ACOT13: variants seen among roughly 807,000 people sequenced by gnomAD.
ACOT13 encodes acyl-CoA thioesterase 13, also known as acyl-coenzyme A thioesterase 13.
In ACOT13, 10 loss-of-function variants were observed where a neutral mutation model predicts 11.8. The ratio of observed to expected loss-of-function variants is 0.85; its 90% CI spans 0.53 to 1.44. ACOT13 has a LOEUF of 1.44. Among genes scored for constraint, ACOT13 ranks in the 40% most tolerant of loss-of-function variants. The pLI is 0.00. For synonymous variants in ACOT13, 53 were observed against 61.0 expected (o/e 0.87, Z 0.61); for missense variants, 172 against 174.1 (o/e 0.99, Z 0.07).
At chr6:24,689,205 T>C (rs1582442164) in intron 1 of ACOT13, among the ~76,000 whole-genome samples, 1 of 152,178 alleles carries the variant, frequency 6.6e-6, no homozygotes, top group East Asian at 1.9e-4. Flanking sequence ...TACCCAGCTA[T>C]CTAATTTTGT....
chr6:24,683,540 A>C (rs1329125896), intron 1 of ACOT13, among the ~76,000 whole-genome samples: 2 of 151,016 alleles, frequency 1.3e-5, no homozygotes, highest in Non-Finnish European at 3.0e-5. Flanking sequence ...GTCTCTCTCA[A>C]AAAAAAAATT....
intron 1 of ACOT13, among the ~76,000 whole-genome samples, chr6:24,692,527 C>G (rs148213242): frequency 1.3e-4 from 20 of 152,226 alleles, no homozygotes; most frequent in African/African-American, 4.8e-4. Flanking sequence ...AGCGATCCTC[C>G]CCACCCCAGC....
chr6:24,667,102 G>A lies in ACOT13; in HGVS notation c.-162G>A. 2.3e-6 allele frequency: 2 copies of A among 854,926 alleles called. No homozygotes were observed. The highest frequency in any genetic ancestry group is 1.7e-5 in the African/African-American group (1 of 58,744). 53.0% of individuals were successfully genotyped at this position (854,926 alleles called of 1,614,324 possible). Reference sequence around the variant, plus strand: ...AGTGAGCAAATCGCGGACCACCGGGGCTGCCAGCTCGCCTGACTCCCGGCC... The same window carrying A: ...AGTGAGCAAATCGCGGACCACCGGGACTGCCAGCTCGCCTGACTCCCGGCC... On this transcript the variant is annotated 5_prime_UTR_variant, in exon 1 of 3. Transcript: ENST00000230048.
chr6:24,672,212 G>C (rs1273959028), intron 1 of ACOT13, among the ~76,000 whole-genome samples: 1 of 152,054 alleles, frequency 6.6e-6, no homozygotes, highest in East Asian at 1.9e-4. Context: ...TTCATAAAAA[G>C]GTGAAAACCT....
At chr6:24,667,404 T>C (rs1778277852) in intron 1 of ACOT13, 60 bp downstream of exon 1, 2 of 1,480,528 alleles carry the variant, frequency 1.4e-6, no homozygotes, top group African/African-American at 1.4e-5. Flanking sequence ...AGCACCGTGC[T>C]TGGTGCCGTT....
intron 1 of ACOT13, 81 bp from the exon 2 acceptor site, chr6:24,697,802 C>A (rs919025421): frequency 6.0e-6 from 7 of 1,163,038 alleles, no homozygotes; most frequent in Middle Eastern, 2.5e-4. Context: ...AGATTCAGTT[C>A]AATCCATTGT....
At chr6:24,692,898 A>G (rs988352135) in intron 1 of ACOT13, among the ~76,000 whole-genome samples, 4 of 152,254 alleles carry the variant, frequency 2.6e-5, no homozygotes, top group African/African-American at 9.6e-5. Flanking sequence ...AACATACATT[A>G]TAAAGCAGAA....
chr6:24,698,156 A>G (rs369051288), intron 2 of ACOT13, 89 bp downstream of exon 2: 5 of 1,135,652 alleles, frequency 4.4e-6, no homozygotes, highest in Non-Finnish European at 5.9e-6. Context: ...TTAGTAACGC[A>G]TGAGATTCAA....
chr6:24,686,207 G>A (rs1317742587), intron 1 of ACOT13, among the ~76,000 whole-genome samples: 1 of 152,146 alleles, frequency 6.6e-6, no homozygotes, highest in Non-Finnish European at 1.5e-5. Context: ...TGTATTGCAA[G>A]GAAGAGTCCC....
At chr6:24,681,569 T>A (rs941245727) in intron 1 of ACOT13, among the ~76,000 whole-genome samples, 1 of 61,046 alleles carries the variant, frequency 1.6e-5, no homozygotes, top group Non-Finnish European at 2.8e-5. Flanking sequence ...CGTCTCTCCC[T>A]CTCTCTCCGT....
At chr6:24,693,726 C>CT (rs879806313) in intron 1 of ACOT13, among the ~76,000 whole-genome samples, 6,796 of 140,232 alleles carry the variant, frequency 0.048, 409 homozygotes, top group African/African-American at 0.14. Context: ...CAACCTGAGT[C>CT]TTTTTTTTTT....
intron 2 of ACOT13, 187 bp from the exon 3 acceptor site, chr6:24,701,272 G>A (rs1344991458): frequency 1.5e-5 from 6 of 401,540 alleles, no homozygotes; most frequent in Non-Finnish European, 2.6e-5. Context: ...GTGTGGGTAA[G>A]GAATGGGTAA....
intron 1 of ACOT13, chr6:24,687,612 G>A (rs1448634050): frequency 2.1e-6 from 3 of 1,432,128 alleles, no homozygotes; most frequent in East Asian, 5.8e-5. Context: ...GAGAGAAGCA[G>A]TAAAGATTTA....
chr6:24,679,387 A>G (rs1778509562), intron 1 of ACOT13, among the ~76,000 whole-genome samples: 1 of 152,226 alleles, frequency 6.6e-6, no homozygotes, highest in African/African-American at 2.4e-5. Flanking sequence ...TGATAAACTT[A>G]TCCTTTAAGA....
At position 24,669,337 on chromosome 6, in the gene ACOT13, G is replaced by C. The variant is rs114849653; in HGVS notation, c.81+1993G>C. ...AGCGGGAAGGGGGCTTCCAGGTCAC[G>C]GGTAGGTGGGAGACAAATGGTTGCA... On this transcript the variant is annotated intron_variant, in intron 1 of 2. Transcript: ENST00000230048. Among the ~76,000 whole-genome samples, 671 of 152,302 alleles carry C rather than the reference G, an allele frequency of 4.4e-3. 5 individuals are homozygous for C. The highest frequency in any genetic ancestry group is 0.013 in the African/African-American group (524 of 41,552).
At chr6:24,673,102 T>C (rs1778388742) in intron 1 of ACOT13, among the ~76,000 whole-genome samples, 1 of 152,192 alleles carries the variant, frequency 6.6e-6, no homozygotes, top group African/African-American at 2.4e-5. Context: ...GTTGTAATCA[T>C]GTTAATTAAA....
intron 1 of ACOT13, among the ~76,000 whole-genome samples, chr6:24,682,706 G>A (rs1190458345): frequency 1.3e-5 from 2 of 151,880 alleles, no homozygotes; most frequent in Non-Finnish European, 2.9e-5. Flanking sequence ...CTGCGATGGC[G>A]GCAAACAGCA....
intron 1 of ACOT13, among the ~76,000 whole-genome samples, chr6:24,693,366 T>C (rs1778745735): frequency 1.3e-5 from 2 of 152,206 alleles, no homozygotes; most frequent in Admixed American, 1.3e-4. Flanking sequence ...CATTCCTTTA[T>C]CTGTTTAGCA....
intron 1 of ACOT13, among the ~76,000 whole-genome samples, chr6:24,687,852 C>T: frequency 6.6e-6 from 1 of 151,698 alleles, no homozygotes; most frequent in East Asian, 1.9e-4. Context: ...GCTGGGATTA[C>T]AGGCACGCGC....
Sources: gnomAD v4.1 joint callset for allele counts (sites outside exome capture counted in the v4.1 genomes callset) on GRCh38, gnomAD v4.1.1 for gene constraint, MANE v1.5 for transcripts, NCBI Gene and HGNC (gene_info 2026-07-23, HGNC 2026-07-21) for gene names.